The following USP6NL variants were observed in gnomAD, a reference collection of about 807,000 sequenced individuals.
USP6NL encodes the protein USP6 N-terminal-like protein.
Under a neutral mutation model 61.9 loss-of-function variants are expected in USP6NL, and 26 were observed. That is an observed-to-expected ratio of 0.42 (90% confidence interval 0.31 to 0.58). USP6NL has a LOEUF of 0.58. Among genes scored for constraint, USP6NL ranks in the 20% least tolerant of loss-of-function variants. The pLI is 0.16. For missense variants in USP6NL, 1,114 were observed against 1,034.3 expected (o/e 1.08, Z -1.06); for synonymous variants, 432 against 390.1 (o/e 1.11, Z -1.27).
At chr10:11,572,151 A>G (rs1050313707) in intron 2 of USP6NL, among the ~76,000 whole-genome samples, 4 of 151,986 alleles carry the variant, frequency 2.6e-5, no homozygotes, top group Non-Finnish European at 2.9e-5. Context: ...AAAAACTAAA[A>G]AAAATTCCAA....
At chr10:11,552,018 T>C (rs1038845075) in intron 2 of USP6NL, among the ~76,000 whole-genome samples, 1 of 152,198 alleles carries the variant, frequency 6.6e-6, no homozygotes, top group African/African-American at 2.4e-5. Context: ...ATAGTATTTA[T>C]ATATTCATCT....
rs867720445 is a variant in USP6NL, at chr10:11,465,659, C to T, written c.1079-1810G>A. Among the ~76,000 whole-genome samples, 8 of 152,278 alleles carry T rather than the reference C, an allele frequency of 5.3e-5. No individual in the cohort carries two copies. Among genetic ancestry groups the T allele is most frequent in the South Asian group, 2.1e-4 (1 of 4,820 alleles). ...TGCTCTCCCCACACCGTGCTGGCAG[C>T]GGAAGCACCCAAGCTGCTCTCAGTG... On this transcript the variant is annotated intron_variant, in intron 14 of 14. Transcript: ENST00000609104. This position sits in a 1 kb window ranked among gnomAD's most constrained non-coding sequence, Gnocchi z 4.5.
At chr10:11,568,918 T>C (rs1837264018) in intron 2 of USP6NL, among the ~76,000 whole-genome samples, 1 of 152,204 alleles carries the variant, frequency 6.6e-6, no homozygotes, top group Non-Finnish European at 1.5e-5. Flanking sequence ...GAGAGTTCAT[T>C]TGCTGGTTTG....
In USP6NL at chr10:11,510,546, C is replaced by T. The variant is rs72777663; in HGVS notation, c.196-871G>A. On this transcript the variant is annotated intron_variant, in intron 5 of 14. Transcript: ENST00000609104. This position sits in a 1 kb window ranked among gnomAD's most constrained non-coding sequence, Gnocchi z 4.8. ...CAAGTGAAATTCAGGGGCAAGGCTG[C>T]GGAATGGGGAAAGTGAGACGGAAAA... 0.15 allele frequency among the ~76,000 whole-genome samples: 22,904 copies of T among 151,960 alleles called. 2,084 individuals are homozygous for T. Among genetic ancestry groups the T allele is most frequent in the South Asian group, 0.21 (1,003 of 4,800 alleles).
chr10:11,568,275 G>T (rs1055876050), intron 2 of USP6NL, among the ~76,000 whole-genome samples: 2 of 152,078 alleles, frequency 1.3e-5, no homozygotes, highest in Non-Finnish European at 2.9e-5. Flanking sequence ...ATGGCTTCAA[G>T]AAACTAATTA....
intron 2 of USP6NL, among the ~76,000 whole-genome samples, chr10:11,578,497 A>G (rs1313262598): frequency 6.6e-6 from 1 of 152,186 alleles, no homozygotes; most frequent in Non-Finnish European, 1.5e-5. Flanking sequence ...CAGGCTACTC[A>G]AGAGGCAAAG....
In USP6NL at chr10:11,560,711, A is replaced by AT. The variant is rs1188362699; in HGVS notation, c.5-33145dup. Among the ~76,000 whole-genome samples, 54 of 107,652 alleles carry AT rather than the reference A, an allele frequency of 5.0e-4. 1 individual carries two copies. Among genetic ancestry groups the AT allele is most frequent in the South Asian group, 7.8e-4 (2 of 2,580 alleles). The allele number at this position is 107,652 out of a possible 152,430, so 70.6% of individuals were successfully genotyped here. ...CCTCCAAACAGTAAAAAATATATAT[A>AT]TATTATATATATATATATATATATT... On this transcript the variant is annotated intron_variant, in intron 2 of 14. Transcript: ENST00000609104.
At chr10:11,501,362 C>T (rs1199638174) in intron 6 of USP6NL, among the ~76,000 whole-genome samples, 154 bp from the exon 7 acceptor site, 2 of 152,152 alleles carry the variant, frequency 1.3e-5, no homozygotes, top group African/African-American at 4.8e-5. Flanking sequence ...GAGGTACTGT[C>T]ATCTCTATTT....
At chr10:11,526,023 A>G (rs1042970843) in intron 3 of USP6NL, among the ~76,000 whole-genome samples, 4 of 151,836 alleles carry the variant, frequency 2.6e-5, no homozygotes, top group Non-Finnish European at 4.4e-5. Flanking sequence ...GGATCTCTGA[A>G]GCGTACTTGT....
chr10:11,544,493 CTT>C (rs1184430647), intron 2 of USP6NL, among the ~76,000 whole-genome samples: 1 of 147,174 alleles, frequency 6.8e-6, no homozygotes, highest in Non-Finnish European at 1.5e-5. Context: ...TCTCTCTTTT[CTT>C]TTTTTTTTTA....
chr10:11,508,051 T>C (rs1566144670), intron 6 of USP6NL, among the ~76,000 whole-genome samples: 1 of 152,124 alleles, frequency 6.6e-6, no homozygotes, highest in Non-Finnish European at 1.5e-5. Context: ...TAAGATAATC[T>C]GTATCTATAC....
Position 11,491,772 on chromosome 10 carries a change from C to T in USP6NL, c.495-892G>A, listed in dbSNP as rs113464010. 0.022 allele frequency among the ~76,000 whole-genome samples: 3,336 copies of T among 152,176 alleles called. 64 individuals carry two copies. The highest frequency in any genetic ancestry group is 0.035 in the Non-Finnish European group (2,379 of 67,998). On this transcript the variant is annotated intron_variant, in intron 8 of 14. Transcript: ENST00000609104. This position sits in a 1 kb window ranked among gnomAD's most constrained non-coding sequence, Gnocchi z 4.7. ...CCAATTCAGGCAGAACTGCTAGGTT[C>T]AGATTTTCAGGAAGAAAGGTTTGAG...
At position 11,509,670 on chromosome 10, in the gene USP6NL, C is replaced by A; in HGVS notation, c.201G>T (p.Lys67Asn). ...TGGTAGTTCTTTCAATTTCCAGGTG[C>A]TTTTGCTAAAATAAAATTGAAATTC... ...PDHNVAVERQ[K>N]HLEIERTTKW... Residue 67 changes from lysine (K) to asparagine (N), a missense_variant, in exon 6 of 15, where the codon AAG becomes AAT. By Grantham distance (94) the Lys-to-Asn change is moderately conservative. Coordinates refer to ENST00000609104, the MANE Select transcript of USP6NL (RefSeq NM_014688.5). The A allele has an allele frequency of 6.4e-7, 1 of 1,558,826 alleles. No homozygotes were observed. Among genetic ancestry groups the A allele is most frequent in the Non-Finnish European group, 8.7e-7 (1 of 1,150,736 alleles).
At chr10:11,539,717 A>G (rs1411182242) in intron 2 of USP6NL, among the ~76,000 whole-genome samples, 1 of 152,224 alleles carries the variant, frequency 6.6e-6, no homozygotes, top group Non-Finnish European at 1.5e-5. Flanking sequence ...CTTTTGCAGC[A>G]GTATGATTGT....
At chr10:11,493,319 T>C in intron 7 of USP6NL, 91 bp from the exon 8 acceptor site, 1 of 1,186,412 alleles carries the variant, frequency 8.4e-7, no homozygotes, top group Non-Finnish European at 1.2e-6. Flanking sequence ...TAAAAAGTTT[T>C]TGGTTTAAAA....
At position 11,496,588 on chromosome 10, in the gene USP6NL, G is replaced by A. The variant is rs1328781919; in HGVS notation, c.385-3360C>T. 1.3e-5 allele frequency among the ~76,000 whole-genome samples: 2 copies of A among 152,020 alleles called. No individual in the cohort carries two copies. The highest frequency in any genetic ancestry group is 4.8e-5 in the African/African-American group (2 of 41,374). On this transcript the variant is annotated intron_variant, in intron 7 of 14. Transcript: ENST00000609104. The surrounding 1 kb of genome is among the most constrained non-coding windows in gnomAD (Gnocchi z 5.4). ...TTGAATCTCCCATGTTTAAACAGAT[G>A]GGAGATTAAAATTTAACCATGTTTA... is the stretch of plus-strand genomic sequence containing the variant.
At chr10:11,583,739 C>T (rs1393193983) in intron 2 of USP6NL, among the ~76,000 whole-genome samples, 1 of 152,110 alleles carries the variant, frequency 6.6e-6, no homozygotes, top group African/African-American at 2.4e-5. Flanking sequence ...TTAAAAAATT[C>T]GTTATTGGCC....
chr10:11,594,688 T>C (rs1446270004), intron 2 of USP6NL, among the ~76,000 whole-genome samples: 1 of 152,174 alleles, frequency 6.6e-6, no homozygotes, highest in Non-Finnish European at 1.5e-5. Context: ...ACTCTACACA[T>C]ACACTCTTCT....
intron 14 of USP6NL, among the ~76,000 whole-genome samples, chr10:11,464,278 T>A (rs1332116489): frequency 6.6e-6 from 1 of 152,154 alleles, no homozygotes; most frequent in African/African-American, 2.4e-5. Context: ...CTCATGTCTA[T>A]CTTAGAAAAA....
Sources: allele counts gnomAD v4.1 joint callset (sites outside exome capture counted in the v4.1 genomes callset), GRCh38; gene constraint gnomAD v4.1.1; non-coding constraint Gnocchi (gnomAD v3.1); transcripts MANE v1.5; gene names NCBI Gene and HGNC (gene_info 2026-07-23, HGNC 2026-07-21).